The following EYS variants were observed in gnomAD, a reference collection of about 807,000 sequenced individuals.
EYS encodes EGF-like photoreceptor maintenance factor.
EYS carries 250 observed loss-of-function variants against 282.1 expected under a neutral mutation model. The observed-to-expected ratio is 0.89, with a 90% confidence interval of 0.80 to 0.98. The LOEUF is 0.98. EYS is among the 50% of genes least tolerant of loss of function. The pLI is 0.00. For missense variants in EYS, 4,016 were observed against 3,709.0 expected (o/e 1.08, Z -2.15); for synonymous variants, 1,355 against 1,282.9 (o/e 1.06, Z -1.20).
At chr6:64,859,037 A>G (rs1322191653) in intron 19 of EYS, among the ~76,000 whole-genome samples, 1 of 151,926 alleles carries the variant, frequency 6.6e-6, no homozygotes, top group African/African-American at 2.4e-5. Flanking sequence ...TGAAGAATTG[A>G]ACTGTCTCTA....
intron 22 of EYS, among the ~76,000 whole-genome samples, chr6:64,812,675 A>T (rs919354421): frequency 6.6e-6 from 1 of 152,072 alleles, no homozygotes; most frequent in Non-Finnish European, 1.5e-5. Context: ...GATATATGAC[A>T]GAAATACAGC....
At chr6:65,649,119 C>A (rs143314828) in intron 1 of EYS, among the ~76,000 whole-genome samples, 1,805 of 115,652 alleles carry the variant, frequency 0.016, 29 homozygotes, top group African/African-American at 0.051. Context: ...GCCTGTGCGA[C>A]AGAGCGAGAC....
chr6:64,758,769 A>G (rs6929878), intron 22 of EYS, among the ~76,000 whole-genome samples: 134,596 of 152,204 alleles, frequency 0.88, 61,174 homozygotes, highest in Non-Finnish European at 0.99. Flanking sequence ...TATTAAATAA[A>G]GAGTCTACCC....
At chr6:65,519,840 C>T (rs1410778231) in intron 2 of EYS, among the ~76,000 whole-genome samples, 1 of 147,068 alleles carries the variant, frequency 6.8e-6, no homozygotes, top group Non-Finnish European at 1.5e-5. Flanking sequence ...CCTCAACCTC[C>T]TGAGTAGCTA....
intron 13 of EYS, among the ~76,000 whole-genome samples, chr6:65,011,415 C>T (rs906430539): frequency 6.6e-6 from 1 of 152,160 alleles, no homozygotes; most frequent in East Asian, 1.9e-4. Flanking sequence ...AACTACAAAT[C>T]GTTCTTCAAA....
chr6:65,589,449 T>A (rs997131552), intron 2 of EYS, among the ~76,000 whole-genome samples: 8 of 152,030 alleles, frequency 5.3e-5, no homozygotes, highest in African/African-American at 1.7e-4. Context: ...CTCCTTCTAA[T>A]GATTACCCTC....
intron 13 of EYS, among the ~76,000 whole-genome samples, chr6:65,040,907 T>C (rs1216168617): frequency 6.6e-6 from 1 of 151,704 alleles, no homozygotes; most frequent in African/African-American, 2.4e-5. Context: ...ACTAAGATGC[T>C]CAATAAGGAA....
At chr6:65,502,766 T>C (rs550089161) in intron 2 of EYS, among the ~76,000 whole-genome samples, 7 of 151,646 alleles carry the variant, frequency 4.6e-5, no homozygotes, top group African/African-American at 1.4e-4. Context: ...CCTGCAGTTA[T>C]GATTCATCTG....
rs543365535 is a variant in EYS at position 64,801,901 on chromosome 6, A to G, written c.3443+11477T>C. Among the ~76,000 whole-genome samples, 13 of 151,926 alleles carry G rather than the reference A, an allele frequency of 8.6e-5. No individual in the cohort carries two copies. In the South Asian group the frequency reaches 2.5e-3, roughly 29 times the overall value. On this transcript the variant is annotated intron_variant, in intron 22 of 42. Transcript: ENST00000503581. Reference sequence around the variant, plus strand: ...TCTCCAAACAAGTTTATCTTTGCCAATCTATCTTTGCCTATCTCATGAAGT... The same window carrying G: ...TCTCCAAACAAGTTTATCTTTGCCAGTCTATCTTTGCCTATCTCATGAAGT...
intron 12 of EYS, among the ~76,000 whole-genome samples, chr6:65,264,821 A>G (rs680894): frequency 0.99 from 150,594 of 151,666 alleles, 74,768 homozygotes; most frequent in Middle Eastern, 1. Context: ...TATTCTCACA[A>G]CATTCTAAAG....
At chr6:63,836,915 T>C (rs1771823144) in intron 36 of EYS, among the ~76,000 whole-genome samples, 1 of 152,074 alleles carries the variant, frequency 6.6e-6, no homozygotes, top group South Asian at 2.1e-4. Flanking sequence ...ACATAGTCCT[T>C]GGCTATAACT....
intron 30 of EYS, among the ~76,000 whole-genome samples, chr6:64,241,481 C>T (rs2150343461): frequency 6.6e-6 from 1 of 151,746 alleles, no homozygotes; most frequent in South Asian, 2.1e-4. Flanking sequence ...TGTATGTGTC[C>T]AGGAATTTAT....
At chr6:64,993,195 T>G (rs968976965) in intron 14 of EYS, among the ~76,000 whole-genome samples, 1 of 152,044 alleles carries the variant, frequency 6.6e-6, no homozygotes, top group African/African-American at 2.4e-5. Context: ...ATAATTGACA[T>G]GTACCACATT....
intron 5 of EYS, among the ~76,000 whole-genome samples, chr6:65,459,148 G>A (rs962784974): frequency 1.3e-5 from 2 of 152,060 alleles, no homozygotes; most frequent in Non-Finnish European, 2.9e-5. Context: ...CTCCTGCTAA[G>A]TGAACTTTGC....
chr6:63,930,602 T>A (rs950315085), intron 35 of EYS, among the ~76,000 whole-genome samples: 1 of 152,148 alleles, frequency 6.6e-6, no homozygotes, highest in Non-Finnish European at 1.5e-5. Context: ...TTATTTTAGA[T>A]ATAAAAATGT....
At chr6:64,317,460 C>T (rs1770019346) in intron 29 of EYS, among the ~76,000 whole-genome samples, 1 of 151,720 alleles carries the variant, frequency 6.6e-6, no homozygotes, top group South Asian at 2.1e-4. Context: ...TAGAGAAATG[C>T]AAATCAAAAT....
chr6:63,788,814 C>A (rs747429991), intron 38 of EYS, among the ~76,000 whole-genome samples: 1 of 152,202 alleles, frequency 6.6e-6, no homozygotes, highest in African/African-American at 2.4e-5. Context: ...TACGCTCAAG[C>A]ATCACCTTCT....
chr6:63,951,010 C>A (rs1035051229), intron 35 of EYS, among the ~76,000 whole-genome samples: 6 of 152,068 alleles, frequency 3.9e-5, no homozygotes, highest in Admixed American at 3.9e-4. Flanking sequence ...CTGATCACCA[C>A]GGGGATGCCT....
intron 15 of EYS, among the ~76,000 whole-genome samples, chr6:64,932,321 T>C (rs901283326): frequency 2.6e-5 from 4 of 152,044 alleles, no homozygotes; most frequent in Admixed American, 2.6e-4. Context: ...GACAGCACTC[T>C]GAAAAACTCC....
Sources: gnomAD v4.1 joint callset for allele counts (sites outside exome capture counted in the v4.1 genomes callset) on GRCh38, gnomAD v4.1.1 for gene constraint, MANE v1.5 for transcripts, NCBI Gene and HGNC (gene_info 2026-07-23, HGNC 2026-07-21) for gene names.